The following CALN1 variants were observed in gnomAD, a reference collection of about 807,000 sequenced individuals.
The protein encoded by CALN1 is calneuron 1, also known as calcium-binding protein 8.
A neutral mutation model predicts 30.6 loss-of-function variants in CALN1; 17 were observed. That is an observed-to-expected ratio of 0.56 (90% CI 0.38 to 0.83). The LOEUF is 0.83. Ranked by LOEUF, CALN1 falls within the 40% of genes least tolerant of loss-of-function variation. CALN1 has a pLI of 0.00. For synonymous variants in CALN1, 156 were observed against 131.4 expected (o/e 1.19, Z -1.28); for missense variants, 291 against 354.9 (o/e 0.82, Z 1.45).
chr7:71,888,252 A>G (rs1562873805), intron 5 of CALN1, among the ~76,000 whole-genome samples: 1 of 152,132 alleles, frequency 6.6e-6, no homozygotes, highest in Non-Finnish European at 1.5e-5. Context: ...AACAAAAAGC[A>G]TCTGAAAAAC....
At chr7:71,851,886 G>A (rs189527422) in intron 5 of CALN1, among the ~76,000 whole-genome samples, 1 of 152,268 alleles carries the variant, frequency 6.6e-6, no homozygotes, top group Non-Finnish European at 1.5e-5. Context: ...AGAACAAGCA[G>A]TTAATTAAGG....
rs149181241 is a variant in CALN1, at chr7:72,290,904, T to C, written c.120-12094A>G. The stretch of plus-strand genomic sequence containing the variant: ...TATCAATCTTTCATTATGATTCCTA[T>C]ACTTTCTTTCACCTTTTAACCATTT... On this transcript the variant is annotated intron_variant, in intron 2 of 6. Transcript: ENST00000395275. Among the ~76,000 whole-genome samples, 76 of 148,716 alleles carry C rather than the reference T, an allele frequency of 5.1e-4. No homozygotes were observed. The East Asian group carries it at 0.014, about 28-fold the overall frequency.
chr7:72,434,313 G>C (rs1370714604), intron 1 of CALN1, among the ~76,000 whole-genome samples: 1 of 147,282 alleles, frequency 6.8e-6, no homozygotes, highest in African/African-American at 2.5e-5. Flanking sequence ...GACCAGCCTG[G>C]CCAACATGCT....
At chr7:71,899,818 A>G (rs1793751501) in intron 5 of CALN1, among the ~76,000 whole-genome samples, 1 of 152,188 alleles carries the variant, frequency 6.6e-6, no homozygotes, top group Admixed American at 6.5e-5. Flanking sequence ...GTCCGTACGT[A>G]TATTAGGCAC....
At chr7:72,336,822 C>G (rs1585529626) in intron 2 of CALN1, 1 of 985,090 alleles carries the variant, frequency 1.0e-6, no homozygotes, top group Non-Finnish European at 1.2e-6. Context: ...GAGCGGGCAG[C>G]GCTCAGCCTC....
chr7:72,138,004 ATTAT>A (rs1204977547), intron 3 of CALN1, among the ~76,000 whole-genome samples: 1 of 152,204 alleles, frequency 6.6e-6, no homozygotes, highest in Non-Finnish European at 1.5e-5. Flanking sequence ...TATTTTTGAA[ATTAT>A]TTAAAGTAAA....
chr7:72,372,805 C>T (rs1031941810), intron 2 of CALN1, among the ~76,000 whole-genome samples: 2 of 152,126 alleles, frequency 1.3e-5, no homozygotes, highest in African/African-American at 4.8e-5. Context: ...TATCCATGAC[C>T]CTGAATCACG....
intron 4 of CALN1, among the ~76,000 whole-genome samples, chr7:72,096,307 A>C (rs1305667096): frequency 1.3e-5 from 2 of 152,062 alleles, no homozygotes; most frequent in Non-Finnish European, 2.9e-5. Context: ...GACAGACTTT[A>C]CTTCCTTCAT....
chr7:72,309,893 G>A (rs1332434400), intron 2 of CALN1, among the ~76,000 whole-genome samples: 1 of 152,116 alleles, frequency 6.6e-6, no homozygotes, highest in Non-Finnish European at 1.5e-5. Flanking sequence ...CCGCTTCAAG[G>A]CTATCCAGGG....
chr7:71,866,243 G>A (rs540715870), intron 5 of CALN1, among the ~76,000 whole-genome samples: 5 of 152,030 alleles, frequency 3.3e-5, no homozygotes, highest in African/African-American at 4.8e-5. Flanking sequence ...TCCTGACCTC[G>A]TGATCCACCC....
chr7:72,352,590 A>T (rs569988836), intron 2 of CALN1, among the ~76,000 whole-genome samples: 1 of 152,278 alleles, frequency 6.6e-6, no homozygotes, highest in Admixed American at 6.5e-5. Flanking sequence ...AAATATTTTG[A>T]ACTAAATGAA....
chr7:72,286,993 G>A (rs1049606631), intron 2 of CALN1, among the ~76,000 whole-genome samples: 2 of 152,024 alleles, frequency 1.3e-5, no homozygotes, highest in African/African-American at 4.8e-5. Context: ...GTTTGGAAAA[G>A]GTGCATGCAT....
intron 4 of CALN1, among the ~76,000 whole-genome samples, chr7:72,087,389 G>A (rs1424430332): frequency 2.0e-5 from 3 of 152,088 alleles, no homozygotes; most frequent in East Asian, 1.9e-4. Context: ...AAAATTAGCC[G>A]GGCACGCTGG....
intron 3 of CALN1, among the ~76,000 whole-genome samples, chr7:72,197,223 C>T (rs1368480844): frequency 9.1e-6 from 1 of 109,860 alleles, no homozygotes; most frequent in Non-Finnish European, 1.7e-5. Flanking sequence ...CTCACTCTGT[C>T]ACCCAGACTG....
intron 4 of CALN1, among the ~76,000 whole-genome samples, chr7:72,057,776 T>C (rs1481958017): frequency 1.3e-5 from 2 of 152,160 alleles, no homozygotes; most frequent in African/African-American, 4.8e-5. Context: ...CAGAAAGCCA[T>C]AGATTTCTCC....
chr7:71,950,112 T>C (rs1796613902), intron 5 of CALN1, among the ~76,000 whole-genome samples: 2 of 152,310 alleles, frequency 1.3e-5, no homozygotes, highest in South Asian at 4.1e-4. Flanking sequence ...CCTTCCTTGC[T>C]TCATTTGTGC....
intron 3 of CALN1, among the ~76,000 whole-genome samples, chr7:72,277,817 A>G (rs561669941): frequency 6.6e-6 from 1 of 152,248 alleles, no homozygotes; most frequent in South Asian, 2.1e-4. Context: ...TTAAAAGCAA[A>G]TATGTGGGCC....
chr7:72,402,117 T>C (rs1806382656), intron 2 of CALN1, among the ~76,000 whole-genome samples: 1 of 152,194 alleles, frequency 6.6e-6, no homozygotes, highest in Non-Finnish European at 1.5e-5. Flanking sequence ...TTTCCAGCTT[T>C]ACATTGTCCT....
chr7:71,791,078 A>T (rs1486655858), intron 6 of CALN1, among the ~76,000 whole-genome samples: 1 of 152,178 alleles, frequency 6.6e-6, no homozygotes, highest in East Asian at 1.9e-4. Flanking sequence ...ATACCAGGTA[A>T]GAAGTAGGAA....
Sources: allele counts gnomAD v4.1 joint callset (sites outside exome capture counted in the v4.1 genomes callset), GRCh38; gene constraint gnomAD v4.1.1; transcripts MANE v1.5; gene names NCBI Gene and HGNC (gene_info 2026-07-23, HGNC 2026-07-21).